Variants in PUS10 observed in about 807,000 individuals in gnomAD.
PUS10 encodes the protein pseudouridine synthase 10, also known as tRNA pseudouridine synthase Pus10.
PUS10 carries 59 observed loss-of-function variants against 75.0 expected under a neutral mutation model. The observed-to-expected ratio is 0.79, with a 90% CI of 0.64 to 0.98. PUS10 has a LOEUF of 0.98. Among genes scored for constraint, PUS10 ranks in the 50% least tolerant of loss-of-function variants. PUS10 has a pLI of 0.00. For synonymous variants in PUS10, 219 were observed against 211.6 expected, an observed-to-expected ratio of 1.03 and a Z score of -0.30; for missense variants, 650 against 614.4, an observed-to-expected ratio of 1.06 and a Z score of -0.61.
chr2:60,959,991 C>A (rs1479551940), intron 11 of PUS10, among the ~76,000 whole-genome samples: 2 of 151,558 alleles, frequency 1.3e-5, no homozygotes, highest in African/African-American at 4.8e-5. Flanking sequence ...CCAGCCTGGG[C>A]AACATAGTGA....
In PUS10 at chr2:60,960,495, C is replaced by G; in HGVS notation, c.897G>C (p.Arg299Ser). Residue 299 changes from arginine (R) to serine (S), a missense_variant, in exon 11 of 18, where the codon AGG becomes AGC. By Grantham distance (110) the Arg-to-Ser change is moderately radical (BLOSUM62 -1). Transcript: ENST00000316752. ...FVAGRYNKYS[R>S]NLPQTPWIID... is the part of the protein sequence containing the mutation. ...TTATCCAAGGAGTTTGTGGTAGATTCCTGGAGTATTTATTATATCTCCCTG... is the reference window on the plus strand; with the variant it reads ...TTATCCAAGGAGTTTGTGGTAGATTGCTGGAGTATTTATTATATCTCCCTG... The G allele has an allele frequency of 6.3e-7, 1 of 1,574,904 alleles. No homozygotes were observed. Among genetic ancestry groups the G allele is most frequent in the Non-Finnish European group, 8.6e-7 (1 of 1,165,582 alleles).
At chr2:60,988,199 T>C (rs554552272) in intron 4 of PUS10, among the ~76,000 whole-genome samples, 1 of 152,208 alleles carries the variant, frequency 6.6e-6, no homozygotes, top group Non-Finnish European at 1.5e-5. Context: ...GAATAACCAG[T>C]AATGAATTTT....
chr2:60,962,500 A>T (rs537744951), intron 9 of PUS10, among the ~76,000 whole-genome samples: 32 of 152,118 alleles, frequency 2.1e-4, no homozygotes, highest in Non-Finnish European at 4.0e-4. Context: ...CTAGAACCCG[A>T]GAGGCAGAGG....
chr2:61,001,856 T>C (rs1477121248), intron 4 of PUS10, among the ~76,000 whole-genome samples: 2 of 152,232 alleles, frequency 1.3e-5, no homozygotes, highest in Admixed American at 1.3e-4. Context: ...AAAATGTGAA[T>C]TGCACTTTCT....
At position 61,008,951 on chromosome 2, in the gene PUS10, A is replaced by G. The variant is rs779821619; in HGVS notation, c.191T>C (p.Met64Thr). Residue 64 changes from methionine (M) to threonine (T), a missense_variant, in exon 3 of 18, where the codon ATG becomes ACG. Physicochemically the swap from Met to Thr is moderately conservative, Grantham distance 81. Transcript: ENST00000316752. Reference sequence around the variant, plus strand: ...TCGAATTTTCTTGGGAGGTGGGTTCATAACTTCCAAAATTAATTCATCTTT... The same window carrying G: ...TCGAATTTTCTTGGGAGGTGGGTTCGTAACTTCCAAAATTAATTCATCTTT... ...TEKDELILEV[M>T]NPPPKKIRLQ... 6.2e-7 allele frequency: 1 copy of G among 1,613,132 alleles called. No individual in the cohort carries two copies. Among genetic ancestry groups the G allele is most frequent in the South Asian group, 1.1e-5 (1 of 90,948 alleles).
chr2:60,954,271 A>AGAG, intron 12 of PUS10, 113 bp from the exon 13 acceptor site: 5 of 877,854 alleles, frequency 5.7e-6, no homozygotes, highest in Non-Finnish European at 9.2e-6. Context: ...GAGGACTGAA[A>AGAG]GTTTAGTGAC....
intron 15 of PUS10, among the ~76,000 whole-genome samples, chr2:60,952,307 C>A (rs1257627941): frequency 6.9e-6 from 1 of 145,612 alleles, no homozygotes; most frequent in Non-Finnish European, 1.5e-5. Context: ...GCACTCCAGC[C>A]TGGGCGACAA....
chr2:60,972,213 C>T (rs1012445228), intron 4 of PUS10, among the ~76,000 whole-genome samples: 4 of 145,700 alleles, frequency 2.7e-5, no homozygotes, highest in African/African-American at 1.0e-4. Context: ...CCTGTAATCC[C>T]AGCACTTTGG....
intron 4 of PUS10, among the ~76,000 whole-genome samples, chr2:60,972,819 C>A (rs1676770971): frequency 6.6e-6 from 1 of 152,234 alleles, no homozygotes; most frequent in Non-Finnish European, 1.5e-5. Flanking sequence ...ACTCTATGGA[C>A]TCCTAAAGAC....
chr2:60,998,212 T>C (rs1011303229), intron 4 of PUS10, among the ~76,000 whole-genome samples: 2 of 152,210 alleles, frequency 1.3e-5, no homozygotes, highest in Non-Finnish European at 2.9e-5. Context: ...CTAGGACTAA[T>C]GGCCTGAGAG....
At position 60,968,237 on chromosome 2, in the gene PUS10, T is replaced by C. The variant is rs1238681314; in HGVS notation, c.504-624A>G. On this transcript the variant is annotated intron_variant, in intron 5 of 17. Coordinates refer to ENST00000316752, the MANE Select transcript of PUS10 (RefSeq NM_144709.4). ...TAAATAGGTTTTGGGAAGTCCCTTT[T>C]ATAAATTATAGCTTTAGTTTGTAAC... Among the ~76,000 whole-genome samples, 8 of 152,272 alleles carry C rather than the reference T, an allele frequency of 5.3e-5. No individual in the cohort carries two copies. The East Asian group carries it at 1.3e-3, about 26-fold the overall frequency.
chr2:60,990,301 A>C (rs1296832838), intron 4 of PUS10, among the ~76,000 whole-genome samples: 1 of 152,226 alleles, frequency 6.6e-6, no homozygotes, highest in African/African-American at 2.4e-5. Flanking sequence ...CAACTAGAAA[A>C]GCTGGACAAC....
intron 4 of PUS10, among the ~76,000 whole-genome samples, chr2:60,999,465 A>G (rs954254150): frequency 5.9e-5 from 9 of 152,208 alleles, no homozygotes; most frequent in South Asian, 4.2e-4. Flanking sequence ...AAAATAAAAA[A>G]TAAGTTATCT....
At chr2:60,994,119 C>A (rs1160352475) in intron 4 of PUS10, among the ~76,000 whole-genome samples, 2 of 151,506 alleles carry the variant, frequency 1.3e-5, no homozygotes, top group African/African-American at 2.4e-5. Flanking sequence ...ACAAACCTGG[C>A]CAAAGACTAT....
chr2:60,971,384 A>G (rs1273707218), intron 5 of PUS10, 139 bp downstream of exon 5: 4 of 740,286 alleles, frequency 5.4e-6, no homozygotes, highest in Middle Eastern at 2.4e-4. Flanking sequence ...GTATAGAATA[A>G]AAATTGGTTC....
At chr2:60,999,487 C>T (rs1678705296) in intron 4 of PUS10, among the ~76,000 whole-genome samples, 1 of 152,066 alleles carries the variant, frequency 6.6e-6, no homozygotes, top group African/African-American at 2.4e-5. Flanking sequence ...GGCATAGTGG[C>T]ATGCACCTGT....
intron 15 of PUS10, among the ~76,000 whole-genome samples, chr2:60,952,387 G>A (rs1344213815): frequency 6.6e-6 from 1 of 151,696 alleles, no homozygotes; most frequent in East Asian, 1.9e-4. Context: ...TATAAGAAGA[G>A]GTGGGGGCAG....
In PUS10 at chr2:60,941,088, AAATAGTTGAATTAGGGT is replaced by A. The variant is rs1674606481; in HGVS notation, c.*1290_*1306del. On this transcript the variant is annotated 3_prime_UTR_variant, in exon 18 of 18. Coordinates refer to ENST00000316752, the MANE Select transcript of PUS10 (RefSeq NM_144709.4). ...TCACATGTATTCTTAAAAAAAGCTC[AAATAGTTGAATTAGGGT>A]GATGGAAATTATACTCAAATCTGAA... The A allele has an allele frequency of 1.3e-5, 2 of 152,302 alleles. No homozygotes were observed. Among genetic ancestry groups the A allele is most frequent in the Non-Finnish European group, 2.9e-5 (2 of 68,000 alleles). 9.4% of individuals were successfully genotyped at this position (152,302 alleles called of 1,614,324 possible).
intron 4 of PUS10, among the ~76,000 whole-genome samples, chr2:60,977,885 G>C (rs1489429094): frequency 6.6e-6 from 1 of 152,178 alleles, no homozygotes; most frequent in Non-Finnish European, 1.5e-5. Context: ...TGCCTATGTG[G>C]TGAGATTGCA....
Sources: gnomAD v4.1 joint callset for allele counts (sites outside exome capture counted in the v4.1 genomes callset) on GRCh38, gnomAD v4.1.1 for gene constraint, MANE v1.5 for transcripts, NCBI Gene and HGNC (gene_info 2026-07-23, HGNC 2026-07-21) for gene names.